Variants in KATNIP observed in about 807,000 individuals in gnomAD.
The protein encoded by KATNIP is katanin-interacting protein.
KATNIP carries 126 observed loss-of-function variants against 174.0 expected under a neutral mutation model. The ratio of observed to expected loss-of-function variants is 0.72; its 90% confidence interval spans 0.63 to 0.84. The LOEUF (loss-of-function observed/expected upper bound fraction) is 0.84, where lower values mean the gene tolerates loss of function less well. Among genes scored for constraint, KATNIP ranks in the 40% least tolerant of loss-of-function variants. The pLI is 0.00. For synonymous variants in KATNIP, 810 were observed against 835.7 expected (o/e 0.97, Z 0.53); for missense variants, 1,958 against 2,109.7 (o/e 0.93, Z 1.41).
At chr16:27,725,245 A>G (rs1369794780) in intron 14 of KATNIP, among the ~76,000 whole-genome samples, 1 of 152,214 alleles carries the variant, frequency 6.6e-6, no homozygotes, top group East Asian at 1.9e-4. Flanking sequence ...ATTAACCCCC[A>G]GTGATCCTAT....
At chr16:27,560,549 A>T (rs371535958) in intron 1 of KATNIP, among the ~76,000 whole-genome samples, 1 of 152,096 alleles carries the variant, frequency 6.6e-6, no homozygotes. Context: ...AGCCCGAGAC[A>T]CTTGGGGAGG....
At chr16:27,764,115 T>C (rs1721006152) in intron 19 of KATNIP, among the ~76,000 whole-genome samples, 1 of 152,240 alleles carries the variant, frequency 6.6e-6, no homozygotes, top group Non-Finnish European at 1.5e-5. Context: ...CCTACTATTC[T>C]TTTTTAAATT....
intron 14 of KATNIP, among the ~76,000 whole-genome samples, chr16:27,732,322 A>G (rs1363878663): frequency 1.3e-5 from 2 of 152,190 alleles, no homozygotes; most frequent in South Asian, 2.1e-4. Flanking sequence ...ATTAAATTGC[A>G]TATCACAGAG....
At chr16:27,563,587 C>T (rs1309317216) in intron 1 of KATNIP, among the ~76,000 whole-genome samples, 1 of 151,980 alleles carries the variant, frequency 6.6e-6, no homozygotes, top group African/African-American at 2.4e-5. Flanking sequence ...CAAAATATCC[C>T]GTGGGCCAGG....
intron 2 of KATNIP, among the ~76,000 whole-genome samples, chr16:27,603,045 G>C: frequency 6.6e-6 from 1 of 152,236 alleles, no homozygotes; most frequent in East Asian, 1.9e-4. Context: ...AGGAGCTAGG[G>C]TCTGGGTGCC....
At chr16:27,708,392 G>T in intron 12 of KATNIP, 1 of 277,462 alleles carries the variant, frequency 3.6e-6, no homozygotes, top group Non-Finnish European at 6.8e-6. Context: ...ACTGAGTAGT[G>T]GGGGAGAGAC....
Position 27,739,923 on chromosome 16 carries a change from AG to A in KATNIP, c.1744-117del. 2.6e-6 allele frequency: 3 copies of A among 1,158,992 alleles called. No individual in the cohort carries two copies. The South Asian group carries it at 4.8e-5, about 18-fold the overall frequency. 71.8% of individuals were successfully genotyped at this position (1,158,992 alleles called of 1,614,324 possible). On this transcript the variant is annotated intron_variant, in intron 14 of 27. Coordinates refer to ENST00000261588, the MANE Select transcript of KATNIP (RefSeq NM_015202.5). ...CACCCCCAGCACTGTGGTTTTCAAA[AG>A]CTTGCATTTCTAGCATTTCACATTT...
At chr16:27,774,598 A>G (rs1361779041) in intron 23 of KATNIP, among the ~76,000 whole-genome samples, 1 of 152,120 alleles carries the variant, frequency 6.6e-6, no homozygotes, top group Non-Finnish European at 1.5e-5. Context: ...ATTCCCTTCC[A>G]AAAGAAAACC....
At position 27,704,306 on chromosome 16, in the gene KATNIP, C is replaced by G. The variant is rs981662749; in HGVS notation, c.1389+308C>G. The stretch of plus-strand genomic sequence containing the variant: ...ATCAAGAAATGCAAATTACAGCAAC[C>G]TAAATGTCCCATTTGAGCTCTGAAT... On this transcript the variant is annotated intron_variant, in intron 12 of 27. Transcript: ENST00000261588. Among the ~76,000 whole-genome samples, 5 of 152,192 alleles carry G rather than the reference C, an allele frequency of 3.3e-5. No homozygotes were observed. The South Asian group carries it at 1.0e-3, about 32-fold the overall frequency.
chr16:27,592,955 C>T (rs2075224876), intron 2 of KATNIP, among the ~76,000 whole-genome samples: 1 of 152,134 alleles, frequency 6.6e-6, no homozygotes, highest in African/African-American at 2.4e-5. Flanking sequence ...AGAAGGGGAA[C>T]TTCATTACTT....
chr16:27,721,836 G>GT, intron 14 of KATNIP, 141 bp downstream of exon 14: 1 of 927,422 alleles, frequency 1.1e-6, no homozygotes, highest in Non-Finnish European at 1.6e-6. Flanking sequence ...GAGCCTGCTG[G>GT]TAGGTTCACA....
chr16:27,562,290 G>A (rs1008991448), intron 1 of KATNIP, among the ~76,000 whole-genome samples: 2 of 152,120 alleles, frequency 1.3e-5, no homozygotes, highest in African/African-American at 4.8e-5. Flanking sequence ...CAGCCTGGCC[G>A]ACAGAGTGAG....
At chr16:27,727,223 C>A in intron 14 of KATNIP, 1 of 232,344 alleles carries the variant, frequency 4.3e-6, no homozygotes, top group South Asian at 4.7e-5. Flanking sequence ...CAGTCTCTCT[C>A]TGCTGCCCAG....
chr16:27,577,789 C>T (rs2090552622), intron 2 of KATNIP, among the ~76,000 whole-genome samples: 1 of 152,124 alleles, frequency 6.6e-6, no homozygotes, highest in Non-Finnish European at 1.5e-5. Context: ...GGGAGTATCG[C>T]TTGAGCCCAG....
chr16:27,690,222 A>G (rs1357871662), intron 8 of KATNIP, among the ~76,000 whole-genome samples: 1 of 151,942 alleles, frequency 6.6e-6, no homozygotes, highest in Admixed American at 6.6e-5. Flanking sequence ...GGCTGAGGCA[A>G]GAGGATGACT....
intron 3 of KATNIP, among the ~76,000 whole-genome samples, chr16:27,625,350 G>T (rs1245768047): frequency 1.3e-5 from 2 of 152,220 alleles, no homozygotes; most frequent in African/African-American, 4.8e-5. Flanking sequence ...GCATCAGAAG[G>T]CAGGGAGAGA....
intron 19 of KATNIP, among the ~76,000 whole-genome samples, chr16:27,762,245 C>A (rs778399455): frequency 1.3e-5 from 2 of 152,174 alleles, no homozygotes; most frequent in African/African-American, 2.4e-5. Context: ...GTTCAAATCC[C>A]GCCTCTGCCC....
chr16:27,635,935 C>G (rs749204723), intron 5 of KATNIP, among the ~76,000 whole-genome samples: 3 of 152,138 alleles, frequency 2.0e-5, no homozygotes, highest in African/African-American at 7.2e-5. Context: ...AGGAGGATCA[C>G]CTGAGCTCAG....
At chr16:27,675,903 T>A (rs2078097896) in intron 6 of KATNIP, among the ~76,000 whole-genome samples, 1 of 152,122 alleles carries the variant, frequency 6.6e-6, no homozygotes, top group Non-Finnish European at 1.5e-5. Flanking sequence ...ATGTCTAATC[T>A]CCTGAAAGAG....
Sources: gnomAD v4.1 joint callset for allele counts (sites outside exome capture counted in the v4.1 genomes callset) on GRCh38, gnomAD v4.1.1 for gene constraint, MANE v1.5 for transcripts, NCBI Gene and HGNC (gene_info 2026-07-23, HGNC 2026-07-21) for gene names.